The following GFRA4 variants were observed in gnomAD, a reference collection of about 807,000 sequenced individuals.
GFRA4 encodes the protein GDNF family receptor alpha-4.
GFRA4 carries 31 observed loss-of-function variants against 28.5 expected under a neutral mutation model. The observed-to-expected ratio is 1.09, with a 90% confidence interval of 0.82 to 1.47. GFRA4 has a LOEUF of 1.47. Ranked by LOEUF, GFRA4 falls within the 40% of genes most tolerant of loss-of-function variation. The pLI is 0.00. For synonymous variants in GFRA4, 188 were observed against 188.0 expected (o/e 1.00, Z 0.00); for missense variants, 389 against 413.2 (o/e 0.94, Z 0.51).
At chr20:3,660,480 T>C (rs1275824768) in intron 4 of GFRA4, 46 bp downstream of exon 4, 3 of 1,516,654 alleles carry the variant, frequency 2.0e-6, no homozygotes, top group Non-Finnish European at 2.7e-6. Context: ...GAGGGGGCAG[T>C]AAGCGCCGCC....
chr20:3,660,754 C>A lies in GFRA4; in HGVS notation c.502+1G>T. 3 of 1,421,000 alleles carry A rather than the reference C, an allele frequency of 2.1e-6. No individual in the cohort carries two copies. The highest frequency in any genetic ancestry group is 2.7e-6 in the Non-Finnish European group (3 of 1,095,558). The allele number at this position is 1,421,000 out of a possible 1,614,324, so 88.0% of individuals were successfully genotyped here. A position where few individuals can be genotyped will look rare whatever the true frequency, so the allele number is the denominator to read the frequency against. On this transcript the variant is annotated splice_donor_variant, in intron 3 of 5. Transcript: ENST00000290417. LOFTEE classifies it high-confidence loss of function. ...CTCGCCCGGATCCCGGCCGCGCGTA[C>A]CCACGAGGCCCGCGTAGGCGCGCAG... is the stretch of plus-strand genomic sequence containing the variant.
At chr20:3,661,867 C>T (rs2670315) in intron 1 of GFRA4, among the ~76,000 whole-genome samples, 60,251 of 152,036 alleles carry the variant, frequency 0.4, 14,201 homozygotes, top group Non-Finnish European at 0.52. Context: ...CCTGCTCCTC[C>T]TCCTGCCCCC....
rs567257400 is a variant in GFRA4, at chr20:3,659,560, C to T, written c.*349G>A. 482 of 359,526 alleles carry T rather than the reference C, an allele frequency of 1.3e-3. No individual in the cohort carries two copies. The highest frequency in any genetic ancestry group is 2.0e-3 in the Non-Finnish European group (384 of 194,460). The allele number at this position is 359,526 out of a possible 1,614,324, so 22.3% of individuals were successfully genotyped here. A position where few individuals can be genotyped will look rare whatever the true frequency, so the allele number is the denominator to read the frequency against. On this transcript the variant is annotated 3_prime_UTR_variant, in exon 6 of 6. Transcript: ENST00000290417. ...GGGATTCTGGATGGTCTCTGACCTGCTCTAGGGGATCTGGGTCTCCAGAGA... is the reference window on the plus strand; with the variant it reads ...GGGATTCTGGATGGTCTCTGACCTGTTCTAGGGGATCTGGGTCTCCAGAGA...
Position 3,659,619 on chromosome 20 carries a change from C to T in GFRA4, c.*290G>A. ...CTACAAAAGTGACCCTCTCCTGACCCCACCTTGTGGGAGACCCCAGTGGTC... is the reference window on the plus strand; with the variant it reads ...CTACAAAAGTGACCCTCTCCTGACCTCACCTTGTGGGAGACCCCAGTGGTC... On this transcript the variant is annotated 3_prime_UTR_variant, in exon 6 of 6. Transcript: ENST00000290417. The T allele has an allele frequency of 2.0e-6, 1 of 491,102 alleles. No individual in the cohort carries two copies. Among genetic ancestry groups the T allele is most frequent in the Non-Finnish European group, 3.7e-6 (1 of 273,608 alleles). The allele number at this position is 491,102 out of a possible 1,614,324, so 30.4% of individuals were successfully genotyped here.
At position 3,661,168 on chromosome 20, in the gene GFRA4, C is replaced by T. The variant is rs1295708804; in HGVS notation, c.168G>A (p.Gln56=). 16 of 1,416,584 alleles carry T rather than the reference C, an allele frequency of 1.1e-5. No individual in the cohort carries two copies. The highest frequency in any genetic ancestry group is 1.4e-5 in the Non-Finnish European group (15 of 1,091,068). 87.8% of individuals were successfully genotyped at this position (1,416,584 alleles called of 1,614,324 possible). A position where few individuals can be genotyped will look rare whatever the true frequency, so the allele number is the denominator to read the frequency against. The change falls in exon 2 of 6, where the codon CAG becomes CAA. Residue 56 remains glutamine, a synonymous_variant. Transcript: ENST00000290417. ...GGCAGCGGGCGCGGGGACAGCCCCC[C>T]TGCGCAGCCCGGCCCAGGCACTGCG... ...YVAQCLGRAA[Q]GGCPRARCRR...
At position 3,660,247 on chromosome 20, in the gene GFRA4, C is replaced by G; in HGVS notation, c.640G>C (p.Gly214Arg). Residue 214 changes from glycine to arginine, a missense_variant and splice_region_variant, in exon 5 of 6, where the codon GGT becomes CGT. Transcript: ENST00000290417. ...GLFTRNRCLDGAIQAFASGWP... is the reference protein window; with the variant it reads ...GLFTRNRCLDRAIQAFASGWP... Reference sequence around the variant, plus strand: ...CCGCTGGCAAAGGCCTGAATGGCACCATCTATGGAGGGAGGGGTCCAGGGT... The same window carrying G: ...CCGCTGGCAAAGGCCTGAATGGCACGATCTATGGAGGGAGGGGTCCAGGGT... The G allele has an allele frequency of 1.2e-6, 2 of 1,604,538 alleles. No homozygotes were observed. The highest frequency in any genetic ancestry group is 2.2e-5 in the South Asian group (2 of 89,130).
intron 1 of GFRA4, among the ~76,000 whole-genome samples, chr20:3,661,490 C>G (rs2087224773): frequency 6.6e-6 from 1 of 152,220 alleles, no homozygotes; most frequent in Admixed American, 6.5e-5. Flanking sequence ...CTCTGCAACA[C>G]GTCAGGGATG....
At chr20:3,662,458 G>T (rs957550120) in intron 1 of GFRA4, among the ~76,000 whole-genome samples, 7 of 142,918 alleles carry the variant, frequency 4.9e-5, no homozygotes, top group Non-Finnish European at 3.0e-5. Context: ...CTGTGTGTTT[G>T]TGCACAGGGG....
In GFRA4 at chr20:3,660,925, C is replaced by T. The variant is rs540804733; in HGVS notation, c.392+19G>A. 23 of 1,378,056 alleles carry T rather than the reference C, an allele frequency of 1.7e-5. No homozygotes were observed. The highest frequency in any genetic ancestry group is 2.6e-4 in the Middle Eastern group (1 of 3,906). 85.4% of individuals were successfully genotyped at this position (1,378,056 alleles called of 1,614,324 possible). ...CCCGTCCCCACCCTCGCCACGGCCCCGCCGCCGCCCGCGCGCACCTGCAGA... is the reference window on the plus strand; with the variant it reads ...CCCGTCCCCACCCTCGCCACGGCCCTGCCGCCGCCCGCGCGCACCTGCAGA... On this transcript the variant is annotated intron_variant, in intron 2 of 5. Transcript: ENST00000290417.
chr20:3,661,267 C>A lies in GFRA4; in HGVS notation c.69G>T (p.Gly23=), dbSNP rs762422361. The change falls in exon 2 of 6, where the codon GGG becomes GGT. Residue 23 remains glycine (G), a synonymous_variant. Coordinates refer to ENST00000290417, the MANE Select transcript of GFRA4 (RefSeq NM_022139.4). ...CTTCGGCCGCGTCCACACATCGGTT[C>A]CCTCCGACCGAGCTCGCCGACCCTG... The part of the protein sequence containing the change: ...LLLGSASSVG[G]NRCVDAAEAC... 8.1e-6 allele frequency: 12 copies of A among 1,485,500 alleles called. No individual in the cohort carries two copies. In the South Asian group the frequency reaches 1.5e-4, roughly 19 times the overall value. The allele number at this position is 1,485,500 out of a possible 1,614,324, so 92.0% of individuals were successfully genotyped here.
chr20:3,661,752 G>A (rs942528610), intron 1 of GFRA4, among the ~76,000 whole-genome samples: 1 of 152,084 alleles, frequency 6.6e-6, no homozygotes, highest in African/African-American at 2.4e-5. Flanking sequence ...AGGCTGTGAC[G>A]CCATACCTTT....
At chr20:3,661,584 C>T (rs1275442930) in intron 1 of GFRA4, among the ~76,000 whole-genome samples, 3 of 151,956 alleles carry the variant, frequency 2.0e-5, no homozygotes, top group Middle Eastern at 3.4e-3. Flanking sequence ...TTCTCCAGAA[C>T]GGCCACACAC....
In GFRA4 at chr20:3,661,092, C is replaced by T; in HGVS notation, c.244G>A (p.Ala82Thr). 7.5e-7 allele frequency: 1 copy of T among 1,337,786 alleles called. No individual in the cohort carries two copies. Among genetic ancestry groups the T allele is most frequent in the East Asian group, 3.2e-5 (1 of 31,506 alleles). The allele number at this position is 1,337,786 out of a possible 1,614,324, so 82.9% of individuals were successfully genotyped here. A position where few individuals can be genotyped will look rare whatever the true frequency, so the allele number is the denominator to read the frequency against. The change falls in exon 2 of 6, where the codon GCA becomes ACA. Residue 82 changes from alanine (A) to threonine (T), a missense_variant. By Grantham distance (58) the Ala-to-Thr change is moderately conservative. Coordinates refer to ENST00000290417, the MANE Select transcript of GFRA4 (RefSeq NM_022139.4). ...CCCGCGCACGGGCAGAAGAGCAGTGCGTGGGTGAGCGCGGGCGGCCCGCGG... is the reference window on the plus strand; with the variant it reads ...CCCGCGCACGGGCAGAAGAGCAGTGTGTGGGTGAGCGCGGGCGGCCCGCGG... ...FARGPPALTH[A>T]LLFCPCAGPA...
In GFRA4 at chr20:3,661,006, G is replaced by A. The variant is rs1371945073; in HGVS notation, c.330C>T (p.Pro110=). 1.4e-6 allele frequency: 2 copies of A among 1,465,000 alleles called. No homozygotes were observed. The highest frequency in any genetic ancestry group is 3.0e-5 in the East Asian group (1 of 32,874). 90.8% of individuals were successfully genotyped at this position (1,465,000 alleles called of 1,614,324 possible). Residue 110 remains proline (P), a synonymous_variant, in exon 2 of 6, where the codon CCC becomes CCT. Transcript: ENST00000290417. ...CAAGGCAGGAGGGCGGCGCGGGGCC[G>A]GGCCCCGAAAAGGCGCAGGAGGGCA... ...TFVPSCAFSG[P]GPAPPSCLEP... is the part of the protein sequence containing the mutation.
rs61748817 is a variant in GFRA4, at chr20:3,661,285, C to T, written c.51G>A (p.Ser17=). The T allele has an allele frequency of 4.8e-6, 7 of 1,464,462 alleles. No homozygotes were observed. In the South Asian group the frequency reaches 6.6e-5, roughly 14 times the overall value. 90.7% of individuals were successfully genotyped at this position (1,464,462 alleles called of 1,614,324 possible). ...PALLLLLLLG[S]ASSVGGNRCV... ...ATCGGTTCCCTCCGACCGAGCTCGC[C>T]GACCCTGGGAAAGGCGCGGGGAGGC... The change falls in exon 2 of 6, where the codon TCG becomes TCA. Residue 17 remains serine, a synonymous_variant. Transcript: ENST00000290417.
Position 3,660,447 on chromosome 20 carries a change from T to C in GFRA4, c.637+79A>G, listed in dbSNP as rs2087205199. 5 of 1,399,620 alleles carry C rather than the reference T, an allele frequency of 3.6e-6. No individual in the cohort carries two copies. The Admixed American group carries it at 1.1e-4, about 31-fold the overall frequency. 86.7% of individuals were successfully genotyped at this position (1,399,620 alleles called of 1,614,324 possible). The stretch of plus-strand genomic sequence containing the variant: ...CAGTCTTCCATTCTCCCCTCTAAAA[T>C]GGCTCCCAGCCAGGCGGCTTGGGAG... On this transcript the variant is annotated intron_variant, in intron 4 of 5. Coordinates refer to ENST00000290417, the MANE Select transcript of GFRA4 (RefSeq NM_022139.4).
In GFRA4 at chr20:3,660,935, C is replaced by G; in HGVS notation, c.392+9G>C. 3 of 1,383,420 alleles carry G rather than the reference C, an allele frequency of 2.2e-6. No homozygotes were observed. The highest frequency in any genetic ancestry group is 3.2e-5 in the South Asian group (2 of 61,850). The allele number at this position is 1,383,420 out of a possible 1,614,324, so 85.7% of individuals were successfully genotyped here. On this transcript the variant is annotated intron_variant, in intron 2 of 5. Transcript: ENST00000290417. ...CCCTCGCCACGGCCCCGCCGCCGCC[C>G]GCGCGCACCTGCAGACCCGGCTGCG...
chr20:3,661,288 C>T lies in GFRA4; in HGVS notation c.48G>A (p.Gly16=). ...GPALLLLLLL[G]SASSVGGNRC... is the part of the protein sequence containing the mutation. Reference sequence around the variant, plus strand: ...GGTTCCCTCCGACCGAGCTCGCCGACCCTGGGAAAGGCGCGGGGAGGCTGC... The same window carrying T: ...GGTTCCCTCCGACCGAGCTCGCCGATCCTGGGAAAGGCGCGGGGAGGCTGC... The change falls in exon 2 of 6, where the codon GGG becomes GGA. Residue 16 remains glycine (G), a splice_region_variant and synonymous_variant. Coordinates refer to ENST00000290417, the MANE Select transcript of GFRA4 (RefSeq NM_022139.4). The T allele has an allele frequency of 2.7e-6, 4 of 1,462,674 alleles. No individual in the cohort carries two copies. Among genetic ancestry groups the T allele is most frequent in the Non-Finnish European group, 3.6e-6 (4 of 1,113,510 alleles). 90.6% of individuals were successfully genotyped at this position (1,462,674 alleles called of 1,614,324 possible).
rs1327234186 is a variant in GFRA4, at chr20:3,660,960, G to A, written c.376C>T (p.Arg126Cys). 7.0e-7 allele frequency: 1 copy of A among 1,430,856 alleles called. No individual in the cohort carries two copies. Among genetic ancestry groups the A allele is most frequent in the Non-Finnish European group, 9.1e-7 (1 of 1,102,600 alleles). 88.6% of individuals were successfully genotyped at this position (1,430,856 alleles called of 1,614,324 possible). The change falls in exon 2 of 6, where the codon CGC becomes TGC. Residue 126 changes from arginine (R) to cysteine (C), a missense_variant. By Grantham distance (180) the Arg-to-Cys change is radical (BLOSUM62 -3). Transcript: ENST00000290417. ...SCLEPLNFCE[R>C]SRVCRPRLLA... is the part of the protein sequence containing the mutation. ...CGCGCGCACCTGCAGACCCGGCTGCGCTCGCAGAAGTTTAAGGGCTCAAGG... is the reference window on the plus strand; with the variant it reads ...CGCGCGCACCTGCAGACCCGGCTGCACTCGCAGAAGTTTAAGGGCTCAAGG...
Sources: gnomAD v4.1 joint callset for allele counts (sites outside exome capture counted in the v4.1 genomes callset) on GRCh38, gnomAD v4.1.1 for gene constraint, MANE v1.5 for transcripts, NCBI Gene and HGNC (gene_info 2026-07-23, HGNC 2026-07-21) for gene names.